Variants in ORC4 observed in about 807,000 individuals in gnomAD.
ORC4 encodes origin recognition complex subunit 4.
A neutral mutation model predicts 63.9 loss-of-function variants in ORC4; 55 were observed. The ratio of observed to expected loss-of-function variants is 0.86; its 90% CI spans 0.69 to 1.08. The LOEUF (loss-of-function observed/expected upper bound fraction) is 1.08, where lower values mean the gene tolerates loss of function less well. Ranked by LOEUF, ORC4 falls within the 50% of genes least tolerant of loss-of-function variation. The pLI, the probability that ORC4 is intolerant of heterozygous loss-of-function variation, is 0.00. For missense variants in ORC4, 511 were observed against 504.4 expected (o/e 1.01, Z -0.13); for synonymous variants, 150 against 168.5 (o/e 0.89, Z 0.85).
At chr2:147,967,591 G>C (rs17225416) in intron 4 of ORC4, among the ~76,000 whole-genome samples, 1 of 151,770 alleles carries the variant, frequency 6.6e-6, no homozygotes, top group Non-Finnish European at 1.5e-5. Flanking sequence ...AATTAAGGAG[G>C]TGAAAGGTAC....
chr2:147,954,297 T>C (rs1689127580), intron 7 of ORC4, among the ~76,000 whole-genome samples: 1 of 152,172 alleles, frequency 6.6e-6, no homozygotes, highest in Non-Finnish European at 1.5e-5. Flanking sequence ...GTGTGTCCCT[T>C]AATGACAGAG....
chr2:147,962,793 G>A (rs1360840175), intron 4 of ORC4, among the ~76,000 whole-genome samples: 1 of 151,762 alleles, frequency 6.6e-6, no homozygotes. Flanking sequence ...CCACAATACC[G>A]TGCACCCCTC....
chr2:147,944,418 A>C (rs1688542850), intron 9 of ORC4, among the ~76,000 whole-genome samples: 1 of 152,078 alleles, frequency 6.6e-6, no homozygotes, highest in Admixed American at 6.6e-5. Context: ...TTTAAGAGAG[A>C]AGTGAGGTTC....
intron 1 of ORC4, among the ~76,000 whole-genome samples, chr2:148,010,768 GAACT>G (rs1692915178): frequency 6.7e-6 from 1 of 149,906 alleles, no homozygotes; most frequent in African/African-American, 2.5e-5. Flanking sequence ...ATTTAAAGAA[GAACT>G]AACATCAATC....
At chr2:147,961,051 T>C (rs958396517) in intron 4 of ORC4, among the ~76,000 whole-genome samples, 1 of 152,122 alleles carries the variant, frequency 6.6e-6, no homozygotes, top group Non-Finnish European at 1.5e-5. Flanking sequence ...AAGTATAGTG[T>C]TTTAAATATA....
chr2:147,993,371 G>A (rs1573865924), intron 1 of ORC4, among the ~76,000 whole-genome samples: 1 of 152,026 alleles, frequency 6.6e-6, no homozygotes, highest in East Asian at 1.9e-4. Context: ...AAAAAAAACT[G>A]AAAATAACAT....
chr2:147,970,536 A>C (rs1054114629), intron 4 of ORC4, among the ~76,000 whole-genome samples: 6 of 151,320 alleles, frequency 4.0e-5, no homozygotes, highest in Non-Finnish European at 8.8e-5. Flanking sequence ...ACATAAACAT[A>C]GTCAACTGAT....
intron 8 of ORC4, among the ~76,000 whole-genome samples, chr2:147,952,107 A>G (rs1688989280): frequency 6.6e-6 from 1 of 152,228 alleles, no homozygotes; most frequent in East Asian, 1.9e-4. Flanking sequence ...TTGATAATGT[A>G]GAAATTATAT....
intron 13 of ORC4, 47 bp downstream of exon 13, chr2:147,938,099 A>G: frequency 7.7e-7 from 1 of 1,292,546 alleles, no homozygotes; most frequent in Non-Finnish European, 1.1e-6. Flanking sequence ...AATTGGATGT[A>G]AAAAATATAC....
At chr2:148,006,105 C>T (rs538606310) in intron 1 of ORC4, among the ~76,000 whole-genome samples, 40 of 152,254 alleles carry the variant, frequency 2.6e-4, no homozygotes, top group Admixed American at 1.2e-3. Context: ...GACAGTCTTG[C>T]GCTGACTACA....
intron 12 of ORC4, 31 bp downstream of exon 12, chr2:147,938,267 T>A: frequency 6.3e-7 from 1 of 1,589,742 alleles, no homozygotes; most frequent in Non-Finnish European, 8.6e-7. Context: ...TGGGGAAGAG[T>A]CAGAAAAAAG....
intron 4 of ORC4, among the ~76,000 whole-genome samples, chr2:147,962,474 G>A (rs1243794035): frequency 6.6e-6 from 1 of 152,124 alleles, no homozygotes; most frequent in Non-Finnish European, 1.5e-5. Flanking sequence ...TCCAGTACTA[G>A]GGGTCCATCT....
intron 4 of ORC4, among the ~76,000 whole-genome samples, chr2:147,963,202 A>G (rs973077652): frequency 6.6e-6 from 1 of 152,064 alleles, no homozygotes; most frequent in Admixed American, 6.6e-5. Context: ...TAACAGACAC[A>G]TTACCCTAGC....
chr2:147,937,109 C>G (rs1320546884), intron 13 of ORC4: 3 of 151,888 alleles, frequency 2.0e-5, no homozygotes, highest in Non-Finnish European at 4.4e-5. Context: ...GGAAAAAAAC[C>G]CTCCAGTATT....
At chr2:147,946,668 A>T (rs1211365335) in intron 9 of ORC4, among the ~76,000 whole-genome samples, 2 of 152,112 alleles carry the variant, frequency 1.3e-5, no homozygotes, top group African/African-American at 4.8e-5. Flanking sequence ...TAATATCTGA[A>T]TTTTAAAGAT....
intron 7 of ORC4, 79 bp from the exon 8 acceptor site, chr2:147,952,603 C>A: frequency 8.5e-7 from 1 of 1,180,438 alleles, no homozygotes; most frequent in East Asian, 2.3e-5. Flanking sequence ...TACTATATTT[C>A]AGTTTTTAAA....
chr2:147,962,403 T>C (rs1689650252), intron 4 of ORC4, among the ~76,000 whole-genome samples: 1 of 152,134 alleles, frequency 6.6e-6, no homozygotes, highest in African/African-American at 2.4e-5. Context: ...CATGGCACCA[T>C]TGAGGCCAGA....
rs1687845914 is a variant in ORC4 at position 147,932,860 on chromosome 2, T to C, written c.*2650A>G. The C allele has an allele frequency of 6.6e-6, 1 of 152,122 alleles. No individual in the cohort carries two copies. Among genetic ancestry groups the C allele is most frequent in the South Asian group, 2.1e-4 (1 of 4,828 alleles). 9.4% of individuals were successfully genotyped at this position (152,122 alleles called of 1,614,324 possible). A position where few individuals can be genotyped will look rare whatever the true frequency, so the allele number is the denominator to read the frequency against. ...TCAGAGTGCGAACCATGGTGAAATATGCATGGAAACTACAGAAAGACTGAA... is the reference window on the plus strand; with the variant it reads ...TCAGAGTGCGAACCATGGTGAAATACGCATGGAAACTACAGAAAGACTGAA... On this transcript the variant is annotated 3_prime_UTR_variant, in exon 14 of 14. Coordinates refer to ENST00000392857, the MANE Select transcript of ORC4 (RefSeq NM_181741.4).
At chr2:147,984,375 CTTACT>C (rs1460886661) in intron 1 of ORC4, among the ~76,000 whole-genome samples, 1 of 151,346 alleles carries the variant, frequency 6.6e-6, no homozygotes, top group African/African-American at 2.4e-5. Context: ...TTTTCTTTAC[CTTACT>C]TTATTATAAT....
Sources: allele counts gnomAD v4.1 joint callset (sites outside exome capture counted in the v4.1 genomes callset), GRCh38; gene constraint gnomAD v4.1.1; transcripts MANE v1.5; gene names NCBI Gene and HGNC (gene_info 2026-07-23, HGNC 2026-07-21).